Variants in CSMD1 observed in about 807,000 individuals in gnomAD.
The protein encoded by CSMD1 is CUB and sushi domain-containing protein 1.
CSMD1 carries 213 observed loss-of-function variants against 417.5 expected under a neutral mutation model. The ratio of observed to expected loss-of-function variants is 0.51; its 90% CI spans 0.46 to 0.57. CSMD1 has a LOEUF of 0.57. Ranked by LOEUF, CSMD1 falls within the 20% of genes least tolerant of loss-of-function variation. The probability of loss-of-function intolerance (pLI) is 0.00; values close to 1 mark genes in which losing one functional copy is unlikely to be tolerated. For synonymous variants in CSMD1, 2,862 were observed against 1,736.8 expected (o/e 1.65, Z -16.11); for missense variants, 6,923 against 4,529.7 (o/e 1.53, Z -15.17).
intron 6 of CSMD1, among the ~76,000 whole-genome samples, chr8:3,709,777 C>T (rs1045202985): frequency 2.7e-5 from 4 of 146,540 alleles, no homozygotes; most frequent in Admixed American, 7.0e-5. Flanking sequence ...GCTGACTTAC[C>T]CCTTTCAGGT....
At chr8:4,239,293 T>G (rs186304372) in intron 3 of CSMD1, among the ~76,000 whole-genome samples, 1 of 152,328 alleles carries the variant, frequency 6.6e-6, no homozygotes, top group African/African-American at 2.4e-5. Context: ...AACTTCTTCT[T>G]TTTGTGTGGG....
At chr8:4,336,215 A>C (rs1209219038) in intron 3 of CSMD1, among the ~76,000 whole-genome samples, 1 of 152,152 alleles carries the variant, frequency 6.6e-6, no homozygotes, top group African/African-American at 2.4e-5. Context: ...AGGTAGTATG[A>C]ATGCACCTGT....
Position 3,442,665 on chromosome 8 carries a change from A to T in CSMD1, c.1561+26047T>A, listed in dbSNP as rs1180305374. Among the ~76,000 whole-genome samples, 4 of 152,214 alleles carry T rather than the reference A, an allele frequency of 2.6e-5. No individual in the cohort carries two copies. The South Asian group carries it at 8.3e-4, about 31-fold the overall frequency. On this transcript the variant is annotated intron_variant, in intron 12 of 69. Coordinates refer to ENST00000635120, the MANE Select transcript of CSMD1 (RefSeq NM_033225.6). ...ACGATGTTTGCATACTGTTGAAATCATCTAACAACACATCTCAGAACGTAT... is the reference window on the plus strand; with the variant it reads ...ACGATGTTTGCATACTGTTGAAATCTTCTAACAACACATCTCAGAACGTAT...
intron 22 of CSMD1, among the ~76,000 whole-genome samples, chr8:3,347,458 GC>G (rs1808090660): frequency 6.6e-6 from 1 of 152,158 alleles, no homozygotes; most frequent in Admixed American, 6.5e-5. Context: ...CTCCTCATCA[GC>G]CCTGTCTGTG....
At chr8:4,618,557 G>A (rs566306276) in intron 2 of CSMD1, among the ~76,000 whole-genome samples, 4 of 151,738 alleles carry the variant, frequency 2.6e-5, no homozygotes, top group African/African-American at 7.2e-5. Flanking sequence ...TCTTCTTATC[G>A]CCTACATAGC....
At chr8:4,639,448 C>G (rs774296841) in intron 1 of CSMD1, among the ~76,000 whole-genome samples, 3 of 152,110 alleles carry the variant, frequency 2.0e-5, no homozygotes, top group Non-Finnish European at 2.9e-5. Flanking sequence ...AATAGGATAA[C>G]CCACTCAAAC....
chr8:4,178,315 A>G (rs1401396075), intron 3 of CSMD1, among the ~76,000 whole-genome samples: 5 of 151,564 alleles, frequency 3.3e-5, no homozygotes, highest in Non-Finnish European at 7.4e-5. Context: ...TATAAACAGA[A>G]CCAAAGACAA....
intron 2 of CSMD1, among the ~76,000 whole-genome samples, chr8:4,484,295 C>T (rs771834759): frequency 1.3e-5 from 2 of 151,848 alleles, no homozygotes; most frequent in Non-Finnish European, 2.9e-5. Context: ...TTTTGTCCCT[C>T]TGTCCTGATC....
rs1032885834 is a variant in CSMD1, at chr8:3,451,151, T to C, written c.1561+17561A>G. ...TCTGTTCATATCCTTCGCCCACTTTTTGATGGGGTTGCTTGTTTTCTTCTT... is the reference window on the plus strand; with the variant it reads ...TCTGTTCATATCCTTCGCCCACTTTCTGATGGGGTTGCTTGTTTTCTTCTT... On this transcript the variant is annotated intron_variant, in intron 12 of 69. Coordinates refer to ENST00000635120, the MANE Select transcript of CSMD1 (RefSeq NM_033225.6). 2.8e-4 allele frequency among the ~76,000 whole-genome samples: 43 copies of C among 152,334 alleles called. 1 individual carries two copies. The highest frequency in any genetic ancestry group is 9.6e-4 in the African/African-American group (40 of 41,572).
At position 3,406,046 on chromosome 8, in the gene CSMD1, G is replaced by A. The variant is rs1350586312; in HGVS notation, c.2247C>T (p.Ser749=). The A allele has an allele frequency of 6.2e-7, 1 of 1,613,762 alleles. No homozygotes were observed. Among genetic ancestry groups the A allele is most frequent in the Non-Finnish European group, 8.5e-7 (1 of 1,179,838 alleles). ...ILQDGNVVWS[S]TVPRCEAPCG... is the part of the protein sequence containing the mutation. ...CTGCACCTTCACAGCGGGGCACGGTGGAGCTCCAGACCACGTTCCCGTCTT... is the reference window on the plus strand; with the variant it reads ...CTGCACCTTCACAGCGGGGCACGGTAGAGCTCCAGACCACGTTCCCGTCTT... Residue 749 remains serine, a synonymous_variant, in exon 15 of 70, where the codon TCC becomes TCT. Transcript: ENST00000635120.
intron 3 of CSMD1, among the ~76,000 whole-genome samples, chr8:4,046,413 A>C (rs1798149379): frequency 6.6e-6 from 1 of 152,166 alleles, no homozygotes; most frequent in Non-Finnish European, 1.5e-5. Flanking sequence ...TTTCATATTC[A>C]TTCAAACCTA....
intron 1 of CSMD1, among the ~76,000 whole-genome samples, chr8:4,701,089 T>C (rs1338952182): frequency 6.6e-6 from 1 of 151,938 alleles, no homozygotes; most frequent in Middle Eastern, 3.2e-3. Flanking sequence ...AAATTAAGGG[T>C]AGAGTTAGGA....
chr8:4,008,130 T>C (rs933526340), intron 4 of CSMD1, among the ~76,000 whole-genome samples: 1 of 152,070 alleles, frequency 6.6e-6, no homozygotes, highest in African/African-American at 2.4e-5. Flanking sequence ...TCAAGGCAGG[T>C]AGAGAAAACA....
intron 5 of CSMD1, among the ~76,000 whole-genome samples, chr8:3,874,034 C>G (rs73493820): frequency 1.3e-5 from 2 of 152,208 alleles, no homozygotes; most frequent in Non-Finnish European, 2.9e-5. Context: ...AAATTAGCAT[C>G]TGTAAAGCTT....
intron 2 of CSMD1, among the ~76,000 whole-genome samples, chr8:4,503,977 A>T (rs558294558): frequency 6.6e-6 from 1 of 151,914 alleles, no homozygotes; most frequent in Non-Finnish European, 1.5e-5. Flanking sequence ...TTCAAAAAAA[A>T]AAAAAAAGAA....
Position 3,867,304 on chromosome 8 carries a change from G to C in CSMD1, c.819-113262C>G, listed in dbSNP as rs191070612. ...TTGAATATAAGGAAAACCATGACCAGTCTAATGATTACCACAAACAGTAGG... is the reference window on the plus strand; with the variant it reads ...TTGAATATAAGGAAAACCATGACCACTCTAATGATTACCACAAACAGTAGG... On this transcript the variant is annotated intron_variant, in intron 5 of 69. Transcript: ENST00000635120. Among the ~76,000 whole-genome samples the C allele has an allele frequency of 1.4e-4, 22 of 152,254 alleles. 1 individual carries two copies. The East Asian group carries it at 3.3e-3, about 23-fold the overall frequency.
At chr8:3,880,163 G>C (rs1331193654) in intron 5 of CSMD1, among the ~76,000 whole-genome samples, 2 of 152,044 alleles carry the variant, frequency 1.3e-5, no homozygotes, top group African/African-American at 4.8e-5. Flanking sequence ...ATGGTACAGA[G>C]GAAATTGGAT....
intron 9 of CSMD1, among the ~76,000 whole-genome samples, chr8:3,582,413 G>A (rs1288872524): frequency 6.6e-6 from 1 of 152,176 alleles, no homozygotes; most frequent in Non-Finnish European, 1.5e-5. Context: ...CCAACCTGAG[G>A]AACTTACGTA....
At chr8:4,349,230 C>G (rs1800948426) in intron 3 of CSMD1, among the ~76,000 whole-genome samples, 1 of 152,148 alleles carries the variant, frequency 6.6e-6, no homozygotes, top group African/African-American at 2.4e-5. Context: ...GGCTTGTTTG[C>G]TAATTGTCTT....
Sources: allele counts gnomAD v4.1 joint callset (sites outside exome capture counted in the v4.1 genomes callset), GRCh38; gene constraint gnomAD v4.1.1; transcripts MANE v1.5; gene names NCBI Gene and HGNC (gene_info 2026-07-23, HGNC 2026-07-21).